The following TANC2 variants were observed in gnomAD, a reference collection of about 807,000 sequenced individuals.
TANC2 encodes the protein tetratricopeptide repeat, ankyrin repeat and coiled-coil containing 2, also known as protein TANC2.
In TANC2, 26 loss-of-function variants were observed where a neutral mutation model predicts 210.5. The ratio of observed to expected loss-of-function variants is 0.12; its 90% confidence interval spans 0.09 to 0.17. The LOEUF (loss-of-function observed/expected upper bound fraction) is 0.17. Ranked by LOEUF, TANC2 falls within the 10% of genes least tolerant of loss-of-function variation. The pLI is 1.00. For synonymous variants in TANC2, 931 were observed against 967.1 expected, an observed-to-expected ratio of 0.96 and a Z score of 0.69; for missense variants, 2,129 against 2,608.9, an observed-to-expected ratio of 0.82 and a Z score of 4.01.
At chr17:63,426,974 T>C (rs907928147) in exon 28 of TANC2, 2 of 152,050 alleles carry the variant, frequency 1.3e-5, no homozygotes, top group Non-Finnish European at 2.9e-5. Context: ...ACCAATTTAC[T>C]GGGGGGAAAA....
At chr17:63,157,839 T>C (rs2039890634) in intron 5 of TANC2, among the ~76,000 whole-genome samples, 1 of 152,036 alleles carries the variant, frequency 6.6e-6, no homozygotes, top group African/African-American at 2.4e-5. Context: ...AGCCTCCACC[T>C]CCAGGGCTCG....
At position 63,420,861 on chromosome 17, in the gene TANC2, G is replaced by A. The variant is rs199702353; in HGVS notation, c.5131G>A (p.Val1711Ile). The A allele has an allele frequency of 5.1e-5, 83 of 1,613,980 alleles. No individual in the cohort carries two copies. Among genetic ancestry groups the A allele is most frequent in the African/African-American group, 2.0e-4 (15 of 75,044 alleles). ...CAGCCCAGCCGTCCATTCAAGCACCGTCATCCCCACAGGAGCCTATGGCCA... is the reference window on the plus strand; with the variant it reads ...CAGCCCAGCCGTCCATTCAAGCACCATCATCCCCACAGGAGCCTATGGCCA... Residue 1711 changes from valine (V) to isoleucine (I), a missense_variant, in exon 28 of 28, where the codon GTC becomes ATC. Physicochemically the swap from Val to Ile is conservative, Grantham distance 29 (BLOSUM62 3). Around this residue, in one of 5 missense-constraint regions of TANC2, gnomAD observed 584 missense variants for 627.3 expected, o/e 0.93. Transcript: ENST00000689528. This position sits in a 1 kb window ranked among gnomAD's most constrained non-coding sequence, Gnocchi z 4.2.
At chr17:62,997,916 A>G (rs890759711) in intron 1 of TANC2, among the ~76,000 whole-genome samples, 1 of 152,160 alleles carries the variant, frequency 6.6e-6, no homozygotes. Context: ...ATATTTTTTA[A>G]AAAGCTGGCA....
rs1040707522 is a variant in TANC2 at position 63,012,274 on chromosome 17, G to A, written c.67+2648G>A. 7.9e-5 allele frequency among the ~76,000 whole-genome samples: 12 copies of A among 152,020 alleles called. No individual in the cohort carries two copies. The East Asian group carries it at 1.9e-3, about 25-fold the overall frequency. ...GGGGTCAAATGATCCTCATGCCTTGGCCTTCCAAAGTATTGGGATTACAGG... is the reference window on the plus strand; with the variant it reads ...GGGGTCAAATGATCCTCATGCCTTGACCTTCCAAAGTATTGGGATTACAGG... On this transcript the variant is annotated intron_variant, in intron 2 of 27. Transcript: ENST00000689528.
At chr17:63,257,161 G>A (rs2043219772) in intron 8 of TANC2, among the ~76,000 whole-genome samples, 1 of 150,286 alleles carries the variant, frequency 6.7e-6, no homozygotes, top group East Asian at 2.0e-4. Flanking sequence ...TGTTATTGAT[G>A]AGGAAAGACT....
intron 4 of TANC2, among the ~76,000 whole-genome samples, chr17:63,100,750 C>T (rs1199920608): frequency 1.3e-5 from 2 of 152,110 alleles, no homozygotes; most frequent in African/African-American, 4.8e-5. Flanking sequence ...TTTCCTATCC[C>T]ATTTGCCTAT....
intron 4 of TANC2, among the ~76,000 whole-genome samples, chr17:63,120,024 C>T (rs1175903649): frequency 6.6e-6 from 1 of 151,202 alleles, no homozygotes; most frequent in African/African-American, 2.4e-5. Context: ...TAGTGAGACC[C>T]TGGGCAACAG....
intron 14 of TANC2, among the ~76,000 whole-genome samples, chr17:63,369,201 A>T (rs2047193722): frequency 6.6e-6 from 1 of 152,192 alleles, no homozygotes; most frequent in Non-Finnish European, 1.5e-5. Flanking sequence ...ATACCACTTT[A>T]TCAGGTCATC....
intron 5 of TANC2, among the ~76,000 whole-genome samples, chr17:63,169,993 C>T (rs1029604703): frequency 1.3e-5 from 2 of 150,548 alleles, no homozygotes; most frequent in African/African-American, 4.9e-5. Flanking sequence ...GTGGCAGGTG[C>T]CTGTAGTCCC....
intron 18 of TANC2, among the ~76,000 whole-genome samples, chr17:63,397,150 C>T (rs1236817469): frequency 6.6e-6 from 1 of 152,022 alleles, no homozygotes; most frequent in African/African-American, 2.4e-5. Flanking sequence ...CAGTAGGCAC[C>T]TGTAATCCCA....
intron 17 of TANC2, 50 bp downstream of exon 17, chr17:63,389,594 G>A (rs751215153): frequency 1.2e-5 from 18 of 1,489,892 alleles, no homozygotes; most frequent in African/African-American, 2.8e-5. Flanking sequence ...CTTTATTTTC[G>A]ATGCATACTC....
At chr17:63,019,040 T>G (rs1193353155) in intron 2 of TANC2, among the ~76,000 whole-genome samples, 1 of 152,184 alleles carries the variant, frequency 6.6e-6, no homozygotes, top group East Asian at 1.9e-4. Context: ...CATAATTTTT[T>G]ATTTCTCTAG....
At chr17:63,240,267 G>A (rs573529178) in intron 8 of TANC2, among the ~76,000 whole-genome samples, 2 of 152,240 alleles carry the variant, frequency 1.3e-5, no homozygotes, top group South Asian at 2.1e-4. Flanking sequence ...TTTGAGAAAG[G>A]CACTGAACAC....
chr17:63,208,036 AC>A (rs1366629969), intron 7 of TANC2, among the ~76,000 whole-genome samples: 1 of 152,140 alleles, frequency 6.6e-6, no homozygotes, highest in Non-Finnish European at 1.5e-5. Context: ...TTTGTGAAAT[AC>A]CTGTTCAAGT....
At chr17:63,287,657 C>T (rs1228962249) in intron 9 of TANC2, among the ~76,000 whole-genome samples, 1 of 151,330 alleles carries the variant, frequency 6.6e-6, no homozygotes, top group Non-Finnish European at 1.5e-5. Flanking sequence ...TAAGACCCTT[C>T]TGAGTATTCT....
At chr17:63,115,752 G>T (rs1376744025) in intron 4 of TANC2, among the ~76,000 whole-genome samples, 2 of 152,044 alleles carry the variant, frequency 1.3e-5, no homozygotes, top group African/African-American at 4.8e-5. Flanking sequence ...TTAAGCCTTT[G>T]CTTTGTATTT....
chr17:63,009,738 G>T, intron 2 of TANC2, 112 bp downstream of exon 2: 1 of 896,978 alleles, frequency 1.1e-6, no homozygotes, highest in Non-Finnish European at 1.7e-6. Flanking sequence ...GAACTTAAAA[G>T]AAAGTTTACA....
intron 11 of TANC2, among the ~76,000 whole-genome samples, chr17:63,325,073 G>A (rs1177071511): frequency 7.1e-5 from 9 of 126,396 alleles, no homozygotes; most frequent in African/African-American, 2.6e-4. Context: ...GGTGGGGGGC[G>A]GGGGGCGGGC....
At chr17:63,139,234 C>T (rs1290845473) in intron 4 of TANC2, among the ~76,000 whole-genome samples, 1 of 152,192 alleles carries the variant, frequency 6.6e-6, no homozygotes, top group Non-Finnish European at 1.5e-5. Context: ...TTGTGTCCTT[C>T]ATACTGAACA....
Sources: gnomAD v4.1 joint callset for allele counts (sites outside exome capture counted in the v4.1 genomes callset) on GRCh38, gnomAD v4.1.1 for gene constraint, gnomAD v4.1.1 regional missense constraint, Gnocchi (gnomAD v3.1) non-coding constraint, MANE v1.5 for transcripts, NCBI Gene and HGNC (gene_info 2026-07-23, HGNC 2026-07-21) for gene names.